Variants in REEP1 observed in about 807,000 individuals in gnomAD.
REEP1 encodes the protein receptor accessory protein 1.
REEP1 carries 22 observed loss-of-function variants against 40.3 expected under a neutral mutation model. The observed-to-expected ratio is 0.55, with a 90% CI of 0.39 to 0.78. REEP1 has a LOEUF of 0.78. REEP1 is among the 30% of genes least tolerant of loss of function. The pLI, the probability that REEP1 is intolerant of heterozygous loss-of-function variation, is 0.00. For synonymous variants in REEP1, 116 were observed against 139.2 expected (o/e 0.83, Z 1.17); for missense variants, 280 against 361.1 (o/e 0.78, Z 1.82).
intron 3 of REEP1, among the ~76,000 whole-genome samples, chr2:86,258,573 T>C (rs570504554): frequency 2.0e-5 from 3 of 152,234 alleles, no homozygotes; most frequent in Non-Finnish European, 4.4e-5. Context: ...AATCATCACA[T>C]ACAAAACCAG....
chr2:86,321,328 G>T (rs1680263409), intron 1 of REEP1, among the ~76,000 whole-genome samples: 1 of 152,178 alleles, frequency 6.6e-6, no homozygotes, highest in Non-Finnish European at 1.5e-5. Context: ...TGAATCAGTA[G>T]TTTAAAATCT....
At chr2:86,291,371 C>CGG (rs1678683141) in intron 1 of REEP1, among the ~76,000 whole-genome samples, 1 of 152,154 alleles carries the variant, frequency 6.6e-6, no homozygotes, top group African/African-American at 2.4e-5. Flanking sequence ...TTCACATAAA[C>CGG]GAGGTTCTCT....
intron 7 of REEP1, among the ~76,000 whole-genome samples, chr2:86,225,757 G>A (rs1376012577): frequency 6.6e-6 from 1 of 152,226 alleles, no homozygotes; most frequent in Non-Finnish European, 1.5e-5. Flanking sequence ...TAGGCACCTT[G>A]CGTGCCTTCC....
chr2:86,288,478 C>G (rs1202161955), intron 1 of REEP1, among the ~76,000 whole-genome samples: 1 of 152,222 alleles, frequency 6.6e-6, no homozygotes, highest in East Asian at 1.9e-4. Context: ...TTTTTAACTA[C>G]TGTGTACCAC....
rs1429216140 is a variant in REEP1, at chr2:86,337,540, C to T, written c.-30G>A. 3.2e-6 allele frequency: 4 copies of T among 1,234,634 alleles called. No homozygotes were observed. Among genetic ancestry groups the T allele is most frequent in the Non-Finnish European group, 4.0e-6 (4 of 988,462 alleles). 76.5% of individuals were successfully genotyped at this position (1,234,634 alleles called of 1,614,324 possible). A position where few individuals can be genotyped will look rare whatever the true frequency, so the allele number is the denominator to read the frequency against. On this transcript the variant is annotated 5_prime_UTR_variant, in exon 1 of 9. Transcript: ENST00000538924. The surrounding 1 kb of genome is among the most constrained non-coding windows in gnomAD (Gnocchi z 5.8). ...GGCAGGCGGGCGGGCGAGGCCCGGG[C>T]GGCGCGGCTCGGCTAGGCTGCGGGC...
At chr2:86,217,437 G>T (rs953995147) in intron 8 of REEP1, among the ~76,000 whole-genome samples, 1 of 152,200 alleles carries the variant, frequency 6.6e-6, no homozygotes, top group Non-Finnish European at 1.5e-5. Context: ...TCAGCAGAAA[G>T]AGACACCTCC....
intron 1 of REEP1, among the ~76,000 whole-genome samples, chr2:86,310,006 G>A (rs373681980): frequency 5.0e-4 from 76 of 152,210 alleles, no homozygotes; most frequent in Middle Eastern, 3.4e-3. Context: ...CAAGGCTGCC[G>A]GGGGCCTACC....
intron 1 of REEP1, among the ~76,000 whole-genome samples, chr2:86,293,097 CATTT>C (rs1329018176): frequency 1.6e-3 from 209 of 130,800 alleles, no homozygotes; most frequent in African/African-American, 6.0e-3. Context: ...TTCATTCATT[CATTT>C]GTTTGTTCGT....
chr2:86,337,385 G>T lies in REEP1; in HGVS notation c.32+94C>A. 1 of 796,496 alleles carries T rather than the reference G, an allele frequency of 1.3e-6. No individual in the cohort carries two copies. Among genetic ancestry groups the T allele is most frequent in the Non-Finnish European group, 1.7e-6 (1 of 603,174 alleles). The allele number at this position is 796,496 out of a possible 1,614,324, so 49.3% of individuals were successfully genotyped here. ...GCTGCGCCGGGTATTAATAGCCCGA[G>T]CCACTGGGACCGGGCGCTGTAGGGG... is the stretch of plus-strand genomic sequence containing the variant. On this transcript the variant is annotated intron_variant, in intron 1 of 8. Transcript: ENST00000538924. This position sits in a 1 kb window ranked among gnomAD's most constrained non-coding sequence, Gnocchi z 5.8.
At chr2:86,311,893 C>T (rs1389227476) in intron 1 of REEP1, among the ~76,000 whole-genome samples, 1 of 152,166 alleles carries the variant, frequency 6.6e-6, no homozygotes, top group African/African-American at 2.4e-5. Flanking sequence ...GCACAGCTAT[C>T]ACAGAGGTCA....
intron 1 of REEP1, among the ~76,000 whole-genome samples, chr2:86,284,867 G>C (rs1678305694): frequency 6.6e-6 from 1 of 152,076 alleles, no homozygotes; most frequent in South Asian, 2.1e-4. Context: ...CCTCCGCCTG[G>C]CTCCTGTGTT....
chr2:86,305,028 A>AT (rs576157363), intron 1 of REEP1, among the ~76,000 whole-genome samples: 54 of 147,340 alleles, frequency 3.7e-4, no homozygotes, highest in African/African-American at 5.7e-4. Context: ...TCAAGTCTTC[A>AT]TTTTTTTTTT....
At chr2:86,256,651 C>G (rs192917436) in intron 3 of REEP1, among the ~76,000 whole-genome samples, 1 of 152,184 alleles carries the variant, frequency 6.6e-6, no homozygotes, top group African/African-American at 2.4e-5. Flanking sequence ...CTTCTCCTGA[C>G]GGACCCTGAG....
At position 86,227,789 on chromosome 2, in the gene REEP1, C is replaced by A. The variant is rs540154545; in HGVS notation, c.596-391G>T. On this transcript the variant is annotated intron_variant, in intron 6 of 8. Coordinates refer to ENST00000538924, the MANE Select transcript of REEP1 (RefSeq NM_001371279.1). ...CTTACCTCTGAACCCCAAAGTGCTT[C>A]GCATCTGGGCATTTGCAAAGGCCTA... Among the ~76,000 whole-genome samples the A allele has an allele frequency of 1.7e-3, 264 of 152,304 alleles. 1 individual carries two copies. The highest frequency in any genetic ancestry group is 6.2e-3 in the African/African-American group (256 of 41,560).
chr2:86,227,263 C>A lies in REEP1; in HGVS notation c.631+100G>T, dbSNP rs756214682. The A allele has an allele frequency of 1.2e-5, 11 of 949,402 alleles. 1 individual carries two copies. The highest frequency in any genetic ancestry group is 1.7e-5 in the African/African-American group (1 of 58,860). 58.8% of individuals were successfully genotyped at this position (949,402 alleles called of 1,614,324 possible). On this transcript the variant is annotated intron_variant, in intron 7 of 8. Transcript: ENST00000538924. ...CTCCTGACCCCTCCCTATGACCATG[C>A]AGCTGAAAGGGAGCCCCAGGGTCAG...
At chr2:86,246,678 T>C (rs79019893) in intron 5 of REEP1, among the ~76,000 whole-genome samples, 4,076 of 149,902 alleles carry the variant, frequency 0.027, 99 homozygotes, top group Non-Finnish European at 0.038. Context: ...GGTTTCTTTT[T>C]CTTTCTCTCT....
chr2:86,230,777 G>A (rs1030319372), intron 6 of REEP1, among the ~76,000 whole-genome samples: 3 of 151,848 alleles, frequency 2.0e-5, no homozygotes, highest in Admixed American at 1.3e-4. Flanking sequence ...AGAAATCTAG[G>A]GTGCAGAGAT....
intron 2 of REEP1, among the ~76,000 whole-genome samples, chr2:86,264,410 T>A (rs1035039441): frequency 1.1e-4 from 17 of 152,008 alleles, no homozygotes; most frequent in African/African-American, 4.1e-4. Flanking sequence ...TGGGCCACAC[T>A]CTCTGGGATG....
At chr2:86,304,963 G>T (rs1182948054) in intron 1 of REEP1, among the ~76,000 whole-genome samples, 1 of 152,132 alleles carries the variant, frequency 6.6e-6, no homozygotes, top group Non-Finnish European at 1.5e-5. Context: ...GAAACAGACA[G>T]AAGCAGAGAC....
Sources: allele counts gnomAD v4.1 joint callset (sites outside exome capture counted in the v4.1 genomes callset), GRCh38; gene constraint gnomAD v4.1.1; non-coding constraint Gnocchi (gnomAD v3.1); transcripts MANE v1.5; gene names NCBI Gene and HGNC (gene_info 2026-07-23, HGNC 2026-07-21).